CTNNBL1: variants seen among roughly 807,000 people sequenced by gnomAD.
CTNNBL1 encodes catenin beta like 1.
In CTNNBL1, 31 loss-of-function variants were observed where a neutral mutation model predicts 72.7. The observed-to-expected ratio is 0.43, with a 90% confidence interval of 0.32 to 0.58. The LOEUF is 0.58. Among genes scored for constraint, CTNNBL1 ranks in the 20% least tolerant of loss-of-function variants. CTNNBL1 has a pLI of 0.08. For missense variants in CTNNBL1, 534 were observed against 725.1 expected (o/e 0.74, Z 3.03); for synonymous variants, 240 against 267.3 (o/e 0.90, Z 1.00).
intron 13 of CTNNBL1, among the ~76,000 whole-genome samples, chr20:37,858,771 A>T (rs1238681296): frequency 6.6e-6 from 1 of 152,126 alleles, no homozygotes; most frequent in Admixed American, 6.5e-5. Flanking sequence ...GGAGGACTGG[A>T]TATGAGGACA....
chr20:37,822,625 A>G (rs2072118807), intron 11 of CTNNBL1, among the ~76,000 whole-genome samples: 1 of 152,200 alleles, frequency 6.6e-6, no homozygotes, highest in African/African-American at 2.4e-5. Context: ...GTGCTAGTAA[A>G]TTTAGTTTAC....
At chr20:37,807,555 A>C (rs947125968) in intron 11 of CTNNBL1, among the ~76,000 whole-genome samples, 1 of 152,210 alleles carries the variant, frequency 6.6e-6, no homozygotes, top group South Asian at 2.1e-4. Flanking sequence ...TTCCCAAGTC[A>C]ACAGAAGGGC....
At chr20:37,702,586 A>C (rs537939624) in intron 1 of CTNNBL1, among the ~76,000 whole-genome samples, 58 of 152,306 alleles carry the variant, frequency 3.8e-4, no homozygotes, top group Non-Finnish European at 7.4e-4. Flanking sequence ...TCTAACAGAT[A>C]AGGAGGACCA....
chr20:37,772,605 C>T (rs1189712889), intron 7 of CTNNBL1, among the ~76,000 whole-genome samples: 2 of 152,158 alleles, frequency 1.3e-5, no homozygotes, highest in Non-Finnish European at 2.9e-5. Flanking sequence ...GCCTTGGCCT[C>T]CCAAAGTGCT....
chr20:37,796,148 T>C (rs1277619274), intron 10 of CTNNBL1, among the ~76,000 whole-genome samples: 2 of 152,204 alleles, frequency 1.3e-5, no homozygotes, highest in Non-Finnish European at 2.9e-5. Flanking sequence ...TACAAACTAT[T>C]CCTGGCCCTC....
intron 11 of CTNNBL1, among the ~76,000 whole-genome samples, chr20:37,831,998 G>A (rs1196068852): frequency 1.3e-5 from 2 of 152,222 alleles, no homozygotes; most frequent in Admixed American, 6.5e-5. Flanking sequence ...TAGATGTGCT[G>A]TGTCCTTCAA....
intron 1 of CTNNBL1, among the ~76,000 whole-genome samples, chr20:37,712,227 G>A (rs920528858): frequency 2.6e-5 from 4 of 152,234 alleles, no homozygotes; most frequent in African/African-American, 9.6e-5. Context: ...GCTTGGCTCA[G>A]AAAATGTGGG....
intron 2 of CTNNBL1, among the ~76,000 whole-genome samples, chr20:37,735,371 G>A (rs2073163115): frequency 6.6e-6 from 1 of 152,208 alleles, no homozygotes; most frequent in Admixed American, 6.5e-5. Context: ...GATTATCTGG[G>A]CAGATCCTGC....
chr20:37,779,361 C>T (rs370273595), intron 10 of CTNNBL1, 26 bp downstream of exon 10: 196 of 1,607,048 alleles, frequency 1.2e-4, no homozygotes, highest in Non-Finnish European at 1.7e-4. Flanking sequence ...CCTAGTTCTC[C>T]CACCTTTTTT....
chr20:37,843,354 A>G (rs982411669), intron 13 of CTNNBL1, among the ~76,000 whole-genome samples: 2 of 152,142 alleles, frequency 1.3e-5, no homozygotes, highest in African/African-American at 2.4e-5. Flanking sequence ...TGATTTTAGT[A>G]TAGCCCTCCC....
At chr20:37,722,408 A>G (rs1363064649) in intron 1 of CTNNBL1, among the ~76,000 whole-genome samples, 1 of 152,042 alleles carries the variant, frequency 6.6e-6, no homozygotes, top group Non-Finnish European at 1.5e-5. Context: ...TGGGAGGTGG[A>G]GGTTTCAGTG....
At chr20:37,775,062 C>T (rs891031692) in intron 7 of CTNNBL1, among the ~76,000 whole-genome samples, 5 of 152,172 alleles carry the variant, frequency 3.3e-5, no homozygotes, top group Admixed American at 6.5e-5. Context: ...TCTGTTTTTA[C>T]AGCACCGCTA....
chr20:37,868,293 C>CTT (rs34129953), intron 15 of CTNNBL1, among the ~76,000 whole-genome samples: 1 of 148,672 alleles, frequency 6.7e-6, no homozygotes, highest in African/African-American at 2.5e-5. Flanking sequence ...TTTTAGGGGC[C>CTT]TTTTTTTTTT....
chr20:37,771,834 C>T (rs924617974), intron 7 of CTNNBL1, among the ~76,000 whole-genome samples: 1 of 152,182 alleles, frequency 6.6e-6, no homozygotes, highest in Non-Finnish European at 1.5e-5. Context: ...ATATTAAGTG[C>T]CTTGCCCAAA....
intron 10 of CTNNBL1, among the ~76,000 whole-genome samples, chr20:37,792,506 C>G (rs368382638): frequency 6.6e-6 from 1 of 152,188 alleles, no homozygotes; most frequent in Non-Finnish European, 1.5e-5. Flanking sequence ...CTTTACATTA[C>G]TCAGTGTTTA....
chr20:37,854,083 T>C (rs1417629073), intron 13 of CTNNBL1, among the ~76,000 whole-genome samples: 3 of 152,228 alleles, frequency 2.0e-5, no homozygotes, highest in East Asian at 3.8e-4. Context: ...TTTCAAATCA[T>C]GTGGCCATAT....
Position 37,746,576 on chromosome 20 carries a change from G to A in CTNNBL1, c.435G>A (p.Ser145=), listed in dbSNP as rs780933217. ...HLLVELNAVQ[S]LLGLLGHDNT... ...TGGTGGAGCTGAATGCTGTACAGTC[G>A]CTTCTCGGCTTGCTCGGACACGATA... Residue 145 remains serine (S), a synonymous_variant, in exon 4 of 16, where the codon TCG becomes TCA. Transcript: ENST00000361383. 1.4e-5 allele frequency: 22 copies of A among 1,613,994 alleles called. No homozygotes were observed. The highest frequency in any genetic ancestry group is 1.6e-4 in the Middle Eastern group (1 of 6,082).
intron 3 of CTNNBL1, among the ~76,000 whole-genome samples, chr20:37,741,253 A>C (rs186080398): frequency 6.6e-6 from 1 of 152,328 alleles, no homozygotes; most frequent in Non-Finnish European, 1.5e-5. Flanking sequence ...TCCTAAAGAC[A>C]GTTCTCTGCA....
intron 1 of CTNNBL1, among the ~76,000 whole-genome samples, chr20:37,699,095 T>C (rs957091518): frequency 7.2e-5 from 11 of 152,150 alleles, no homozygotes; most frequent in Admixed American, 2.0e-4. Flanking sequence ...CAGTAACATT[T>C]TATAGACATG....
Sources: gnomAD v4.1 joint callset for allele counts (sites outside exome capture counted in the v4.1 genomes callset) on GRCh38, gnomAD v4.1.1 for gene constraint, MANE v1.5 for transcripts, NCBI Gene and HGNC (gene_info 2026-07-23, HGNC 2026-07-21) for gene names.